The following SMYD1 variants were observed in gnomAD, a reference collection of about 807,000 sequenced individuals.
SMYD1 encodes SET and MYND domain containing 1.
SMYD1 carries 49 observed loss-of-function variants against 54.0 expected under a neutral mutation model. The observed-to-expected ratio is 0.91, with a 90% CI of 0.72 to 1.15. The LOEUF (loss-of-function observed/expected upper bound fraction) is 1.15, where lower values mean the gene tolerates loss of function less well. SMYD1 is among the 50% of genes most tolerant of loss of function. The probability of loss-of-function intolerance (pLI) is 0.00; values close to 1 mark genes in which losing one functional copy is unlikely to be tolerated. For synonymous variants in SMYD1, 269 were observed against 234.2 expected (o/e 1.15, Z -1.36); for missense variants, 653 against 639.6 (o/e 1.02, Z -0.23).
chr2:88,077,872 C>T (rs983193024), intron 1 of SMYD1, among the ~76,000 whole-genome samples: 22 of 151,944 alleles, frequency 1.4e-4, no homozygotes, highest in Middle Eastern at 3.2e-3. Context: ...TACAGGTGCC[C>T]GCCACCACGC....
At chr2:88,077,092 GA>G (rs1674083015) in intron 1 of SMYD1, among the ~76,000 whole-genome samples, 1 of 151,970 alleles carries the variant, frequency 6.6e-6, no homozygotes, top group Admixed American at 6.5e-5. Context: ...AAGCATCCCT[GA>G]AAGACAGAAC....
chr2:88,102,311 C>T (rs1674738906), intron 6 of SMYD1, among the ~76,000 whole-genome samples: 1 of 152,138 alleles, frequency 6.6e-6, no homozygotes, highest in Non-Finnish European at 1.5e-5. Context: ...CCTGTGGGAA[C>T]TGCCTTCTTA....
intron 5 of SMYD1, among the ~76,000 whole-genome samples, chr2:88,096,158 G>A (rs1674580916): frequency 6.6e-6 from 1 of 152,210 alleles, no homozygotes; most frequent in African/African-American, 2.4e-5. Context: ...AACCGAATGT[G>A]TATGTTTCTG....
chr2:88,076,604 G>C (rs1674071735), intron 1 of SMYD1, among the ~76,000 whole-genome samples: 1 of 152,140 alleles, frequency 6.6e-6, no homozygotes, highest in South Asian at 2.1e-4. Context: ...AATGAAGCAG[G>C]GAGGGAAGGA....
intron 6 of SMYD1, among the ~76,000 whole-genome samples, chr2:88,099,222 G>T (rs913291690): frequency 2.0e-5 from 3 of 152,090 alleles, no homozygotes; most frequent in Non-Finnish European, 4.4e-5. Context: ...GAGTAGCTGG[G>T]ACCATGGTGC....
At chr2:88,107,796 G>T (rs562610583) in intron 8 of SMYD1, among the ~76,000 whole-genome samples, 2 of 152,224 alleles carry the variant, frequency 1.3e-5, no homozygotes, top group Admixed American at 1.3e-4. Context: ...TTGGAAAAGC[G>T]CAGTATTAGG....
At chr2:88,106,289 G>T (rs562322582) in intron 7 of SMYD1, 36 bp from the exon 8 acceptor site, 1 of 1,608,406 alleles carries the variant, frequency 6.2e-7, no homozygotes, top group Non-Finnish European at 8.5e-7. Flanking sequence ...GTGCTCTGGT[G>T]CAATGGTAAT....
intron 1 of SMYD1, among the ~76,000 whole-genome samples, chr2:88,070,224 A>G (rs770225803): frequency 6.6e-6 from 1 of 152,176 alleles, no homozygotes; most frequent in Non-Finnish European, 1.5e-5. Flanking sequence ...GCATTAAAGG[A>G]AAGTTTTATG....
At chr2:88,086,931 CCACT>C (rs1674341796) in intron 2 of SMYD1, among the ~76,000 whole-genome samples, 1 of 149,152 alleles carries the variant, frequency 6.7e-6, no homozygotes, top group Admixed American at 6.7e-5. Context: ...TGCGCTGCAC[CCACT>C]AACTCGTCAT....
intron 6 of SMYD1, among the ~76,000 whole-genome samples, chr2:88,098,533 C>T (rs1007497914): frequency 4.6e-5 from 7 of 152,122 alleles, no homozygotes; most frequent in African/African-American, 1.4e-4. Context: ...ATCAAAACAA[C>T]TCAAAAATAA....
At chr2:88,103,921 G>A (rs1020833499) in intron 7 of SMYD1, among the ~76,000 whole-genome samples, 3 of 151,808 alleles carry the variant, frequency 2.0e-5, no homozygotes. Context: ...ATGTCACTAG[G>A]GCATGCAGAT....
chr2:88,112,136 C>T lies in SMYD1; in HGVS notation c.*1624C>T, dbSNP rs1334967401. The T allele has an allele frequency of 2.8e-6, 2 of 703,432 alleles. No individual in the cohort carries two copies. Among genetic ancestry groups the T allele is most frequent in the South Asian group, 1.5e-5 (1 of 67,604 alleles). The allele number at this position is 703,432 out of a possible 1,614,324, so 43.6% of individuals were successfully genotyped here. A position where few individuals can be genotyped will look rare whatever the true frequency, so the allele number is the denominator to read the frequency against. On this transcript the variant is annotated 3_prime_UTR_variant, in exon 10 of 10. Transcript: ENST00000419482. ...GAAGACTGATAGTCTTTCAAGCCCC[C>T]ACATCACAGGCTTAGGGACGGCACT...
At chr2:88,079,604 G>A (rs935753284) in intron 1 of SMYD1, among the ~76,000 whole-genome samples, 3 of 152,102 alleles carry the variant, frequency 2.0e-5, no homozygotes, top group East Asian at 3.9e-4. Flanking sequence ...GGCAGATCAC[G>A]AGGTCAGGAG....
chr2:88,068,593 A>T (rs557557842), intron 1 of SMYD1, among the ~76,000 whole-genome samples: 1 of 147,972 alleles, frequency 6.8e-6, no homozygotes, highest in South Asian at 2.1e-4. Flanking sequence ...AACAAGATGG[A>T]TGGCTGTAGT....
At chr2:88,092,470 C>T (rs1007349167) in intron 4 of SMYD1, among the ~76,000 whole-genome samples, 3 of 152,170 alleles carry the variant, frequency 2.0e-5, no homozygotes, top group African/African-American at 7.2e-5. Context: ...CAACAATGAG[C>T]AAGTTTCCCC....
intron 8 of SMYD1, among the ~76,000 whole-genome samples, chr2:88,107,493 G>C (rs1029538927): frequency 6.6e-6 from 1 of 152,212 alleles, no homozygotes; most frequent in Non-Finnish European, 1.5e-5. Context: ...GGAGACGTCT[G>C]AGGTACTCCC....
intron 6 of SMYD1, among the ~76,000 whole-genome samples, chr2:88,100,131 C>T (rs779526209): frequency 2.6e-5 from 4 of 152,022 alleles, no homozygotes; most frequent in Non-Finnish European, 5.9e-5. Flanking sequence ...AGCGGGGGTT[C>T]CTTAAATCCT....
intron 8 of SMYD1, among the ~76,000 whole-genome samples, chr2:88,107,671 G>A (rs543219042): frequency 1.2e-4 from 18 of 152,320 alleles, no homozygotes; most frequent in East Asian, 7.7e-4. Context: ...CCTCGCTGCC[G>A]CCTTGCAGTT....
At chr2:88,071,542 G>A (rs552862023) in intron 1 of SMYD1, among the ~76,000 whole-genome samples, 1 of 152,274 alleles carries the variant, frequency 6.6e-6, no homozygotes, top group Admixed American at 6.5e-5. Context: ...TGGATTAAGT[G>A]CTAGGCATGA....
Sources: gnomAD v4.1 joint callset for allele counts (sites outside exome capture counted in the v4.1 genomes callset) on GRCh38, gnomAD v4.1.1 for gene constraint, MANE v1.5 for transcripts, NCBI Gene and HGNC (gene_info 2026-07-23, HGNC 2026-07-21) for gene names.